The following MAML3 variants were observed in gnomAD, a reference collection of about 807,000 sequenced individuals.
MAML3 encodes mastermind like transcriptional coactivator 3.
Under a neutral mutation model 101.9 loss-of-function variants are expected in MAML3, and 27 were observed. That is an observed-to-expected ratio of 0.27 (90% confidence interval 0.20 to 0.37). MAML3 has a LOEUF of 0.37. Among genes scored for constraint, MAML3 ranks in the 10% least tolerant of loss-of-function variants. The pLI, the probability that MAML3 is intolerant of heterozygous loss-of-function variation, is 1.00. For synonymous variants in MAML3, 501 were observed against 555.9 expected, an observed-to-expected ratio of 0.90 and a Z score of 1.39; for missense variants, 1,316 against 1,444.9, an observed-to-expected ratio of 0.91 and a Z score of 1.45.
intron 1 of MAML3, among the ~76,000 whole-genome samples, chr4:139,920,553 G>A (rs979008649): frequency 2.6e-5 from 4 of 152,216 alleles, no homozygotes; most frequent in South Asian, 2.1e-4. Flanking sequence ...ATTACATTAA[G>A]GGGCCTTTAT....
At chr4:139,745,645 A>G (rs958607460) in intron 2 of MAML3, among the ~76,000 whole-genome samples, 28 of 152,240 alleles carry the variant, frequency 1.8e-4, no homozygotes, top group African/African-American at 6.5e-4. Context: ...CCCAGTCCAC[A>G]TGGCTACCAG....
At chr4:139,905,523 T>C (rs1372006607) in intron 1 of MAML3, among the ~76,000 whole-genome samples, 2 of 135,368 alleles carry the variant, frequency 1.5e-5, no homozygotes, top group South Asian at 4.7e-4. Context: ...TTAAATCAGT[T>C]ATAGCTGGTT....
At chr4:139,941,360 T>C (rs1464820807) in intron 1 of MAML3, among the ~76,000 whole-genome samples, 1 of 152,252 alleles carries the variant, frequency 6.6e-6, no homozygotes, top group African/African-American at 2.4e-5. Context: ...TGTGTATCAA[T>C]GTAAGTTTCT....
In MAML3 at chr4:139,948,278, C is replaced by T. The variant is rs557006071; in HGVS notation, c.469-57311G>A. Among the ~76,000 whole-genome samples, 7 of 152,222 alleles carry T rather than the reference C, an allele frequency of 4.6e-5. No homozygotes were observed. The South Asian group carries it at 1.5e-3, about 32-fold the overall frequency. Reference sequence around the variant, plus strand: ...CACTCCTGAGCACTTTTGCTTTATCCAAATACTTCATTTCACTGTTAAGAA... The same window carrying T: ...CACTCCTGAGCACTTTTGCTTTATCTAAATACTTCATTTCACTGTTAAGAA... On this transcript the variant is annotated intron_variant, in intron 1 of 4. Coordinates refer to ENST00000509479, the MANE Select transcript of MAML3 (RefSeq NM_018717.5).
intron 1 of MAML3, among the ~76,000 whole-genome samples, chr4:140,080,689 C>G (rs187180471): frequency 6.9e-6 from 1 of 144,478 alleles, no homozygotes; most frequent in South Asian, 2.3e-4. Flanking sequence ...TCCCGTTGTT[C>G]GGTTTCCACT....
At chr4:139,927,072 C>CTTT (rs61573991) in intron 1 of MAML3, among the ~76,000 whole-genome samples, 8 of 134,732 alleles carry the variant, frequency 5.9e-5, no homozygotes, top group South Asian at 2.3e-4. Context: ...TTTCTTTTTT[C>CTTT]TTTTTTTTTT....
At chr4:139,833,390 T>C (rs145889656) in intron 2 of MAML3, among the ~76,000 whole-genome samples, 118 of 152,320 alleles carry the variant, frequency 7.7e-4, no homozygotes, top group African/African-American at 2.6e-3. Context: ...AATTACATCC[T>C]GGCCCGTCTG....
At chr4:140,049,101 G>T (rs931287909) in intron 1 of MAML3, among the ~76,000 whole-genome samples, 2 of 152,116 alleles carry the variant, frequency 1.3e-5, no homozygotes, top group African/African-American at 4.8e-5. Flanking sequence ...AGAAAGAAGC[G>T]CATCTGCTGC....
chr4:139,750,658 A>G (rs1729473047), intron 2 of MAML3, among the ~76,000 whole-genome samples: 1 of 152,196 alleles, frequency 6.6e-6, no homozygotes, highest in Admixed American at 6.5e-5. Flanking sequence ...CAGCTGATAA[A>G]AATATAAATT....
intron 1 of MAML3, among the ~76,000 whole-genome samples, chr4:140,025,590 C>A (rs1400136765): frequency 1.3e-5 from 2 of 152,006 alleles, no homozygotes; most frequent in South Asian, 4.1e-4. Flanking sequence ...AGGACTGAGG[C>A]CAGGAAAAAG....
At chr4:139,891,172 C>A (rs1329699694) in intron 1 of MAML3, among the ~76,000 whole-genome samples, 1 of 151,838 alleles carries the variant, frequency 6.6e-6, no homozygotes, top group Non-Finnish European at 1.5e-5. Context: ...GCTCACAGGG[C>A]TAAGAGATAG....
chr4:140,019,736 G>C (rs1354261014), intron 1 of MAML3, among the ~76,000 whole-genome samples: 1 of 152,164 alleles, frequency 6.6e-6, no homozygotes, highest in Non-Finnish European at 1.5e-5. Flanking sequence ...TTTTCACAAA[G>C]ACTGCAAGGT....
At chr4:140,107,782 G>C (rs182793583) in intron 1 of MAML3, among the ~76,000 whole-genome samples, 1 of 151,324 alleles carries the variant, frequency 6.6e-6, no homozygotes, top group Non-Finnish European at 1.5e-5. Context: ...TGGGATTACC[G>C]GCATGAGCCA....
intron 1 of MAML3, among the ~76,000 whole-genome samples, chr4:139,979,870 T>A (rs1237737835): frequency 6.6e-6 from 1 of 152,152 alleles, no homozygotes; most frequent in Non-Finnish European, 1.5e-5. Flanking sequence ...GTCCTGGGTA[T>A]GTTGTTACAG....
At position 139,869,674 on chromosome 4, in the gene MAML3, G is replaced by A. The variant is rs192507492; in HGVS notation, c.2079+19683C>T. 1.5e-4 allele frequency among the ~76,000 whole-genome samples: 23 copies of A among 152,132 alleles called. 1 individual carries two copies. The highest frequency in any genetic ancestry group is 2.4e-4 in the African/African-American group (10 of 41,508). The stretch of plus-strand genomic sequence containing the variant: ...GCGGCCAAACTCCAACAAAACACAC[G>A]TAATATTCATTAAAAAAGAAACCTT... On this transcript the variant is annotated intron_variant, in intron 2 of 4. Transcript: ENST00000509479.
chr4:140,042,931 C>G (rs1418930621), intron 1 of MAML3, among the ~76,000 whole-genome samples: 1 of 152,132 alleles, frequency 6.6e-6, no homozygotes, highest in Non-Finnish European at 1.5e-5. Context: ...TAATTCAAGT[C>G]TCAGAGGCAT....
Position 139,890,482 on chromosome 4 carries a change from G to C in MAML3, c.954C>G (p.Asn318Lys), listed in dbSNP as rs765903089. 1.9e-6 allele frequency: 3 copies of C among 1,613,998 alleles called. No homozygotes were observed. The highest frequency in any genetic ancestry group is 8.5e-7 in the Non-Finnish European group (1 of 1,179,864). ...EWQELIDELA[N>K]TVPEDDIQDL... is the part of the protein sequence containing the mutation. The stretch of plus-strand genomic sequence containing the variant: ...CCTGTATGTCATCCTCAGGAACCGT[G>C]TTGGCCAATTCATCTATTAATTCTT... The change falls in exon 2 of 5, where the codon AAC becomes AAG. Residue 318 changes from asparagine (N) to lysine (K), a missense_variant. Physicochemically the swap from Asn to Lys is moderately conservative, Grantham distance 94 (BLOSUM62 0). Transcript: ENST00000509479. The surrounding 1 kb of genome is among the most constrained non-coding windows in gnomAD (Gnocchi z 4.1).
chr4:140,001,611 C>T (rs910095004), intron 1 of MAML3, among the ~76,000 whole-genome samples: 5 of 152,208 alleles, frequency 3.3e-5, no homozygotes, highest in African/African-American at 1.2e-4. Context: ...TGTCCATACA[C>T]ACAGGCATCC....
intron 1 of MAML3, among the ~76,000 whole-genome samples, chr4:139,951,134 CT>C (rs978274377): frequency 6.6e-6 from 1 of 152,244 alleles, no homozygotes; most frequent in Non-Finnish European, 1.5e-5. Context: ...CTCCCTCCCT[CT>C]TTCTTTCTCC....
Sources: allele counts gnomAD v4.1 joint callset (sites outside exome capture counted in the v4.1 genomes callset), GRCh38; gene constraint gnomAD v4.1.1; non-coding constraint Gnocchi (gnomAD v3.1); transcripts MANE v1.5; gene names NCBI Gene and HGNC (gene_info 2026-07-23, HGNC 2026-07-21).